PPP1R9A: variants seen among roughly 807,000 people sequenced by gnomAD.
PPP1R9A encodes the protein protein phosphatase 1 regulatory subunit 9A.
In PPP1R9A, 59 loss-of-function variants were observed where a neutral mutation model predicts 141.9. The ratio of observed to expected loss-of-function variants is 0.42; its 90% confidence interval spans 0.34 to 0.52. The LOEUF (loss-of-function observed/expected upper bound fraction) is 0.52. Among genes scored for constraint, PPP1R9A ranks in the 20% least tolerant of loss-of-function variants. The pLI, the probability that PPP1R9A is intolerant of heterozygous loss-of-function variation, is 0.10. For synonymous variants in PPP1R9A, 500 were observed against 569.7 expected (o/e 0.88, Z 1.74); for missense variants, 1,444 against 1,611.9 (o/e 0.90, Z 1.78).
In PPP1R9A at chr7:94,914,056, T is replaced by C. The variant is rs916693221; in HGVS notation, c.1395+2548T>C. On this transcript the variant is annotated intron_variant, in intron 2 of 19. Coordinates refer to ENST00000433360, the MANE Select transcript of PPP1R9A (RefSeq NM_001166160.2). ...TTCTATCTGTGTTTCTTTATTCTTT[T>C]CATAAAACTTTATTTATGGAATGGG... 2.6e-5 allele frequency among the ~76,000 whole-genome samples: 4 copies of C among 152,330 alleles called. No homozygotes were observed. The South Asian group carries it at 8.3e-4, about 32-fold the overall frequency.
chr7:95,016,859 A>T (rs1001467758), intron 2 of PPP1R9A, among the ~76,000 whole-genome samples: 2 of 152,174 alleles, frequency 1.3e-5, no homozygotes, highest in Middle Eastern at 3.2e-3. Context: ...TCAAGAAGTT[A>T]TGTTGAAGTC....
At chr7:95,118,136 A>C (rs190231627) in intron 3 of PPP1R9A, among the ~76,000 whole-genome samples, 189 of 152,338 alleles carry the variant, frequency 1.2e-3, no homozygotes, top group Non-Finnish European at 2.1e-3. Flanking sequence ...AACCCTATGC[A>C]TGTAACCAGT....
intron 4 of PPP1R9A, among the ~76,000 whole-genome samples, chr7:95,122,482 A>T (rs1251493274): frequency 6.6e-6 from 1 of 152,010 alleles, no homozygotes; most frequent in Admixed American, 6.6e-5. Context: ...ATGCATACTG[A>T]TACCCACAGA....
intron 3 of PPP1R9A, among the ~76,000 whole-genome samples, chr7:95,119,012 G>A (rs1250681609): frequency 6.6e-6 from 1 of 150,698 alleles, no homozygotes; most frequent in East Asian, 1.9e-4. Context: ...GAAGAAGAAA[G>A]AAAAACAGAA....
chr7:95,225,996 G>A lies in PPP1R9A; in HGVS notation c.1992G>A (p.Glu664=). The A allele has an allele frequency of 6.2e-7, 1 of 1,613,092 alleles. No individual in the cohort carries two copies. Among genetic ancestry groups the A allele is most frequent in the Non-Finnish European group, 8.5e-7 (1 of 1,179,344 alleles). ...GEYATDEEED[E]VGPVLPGSDM... ...ATGCCACAGATGAAGAAGAAGATGA[G>A]GTAGGACCTGTCCTTCCTGGCAGCG... Residue 664 remains glutamate, a synonymous_variant, in exon 8 of 20, where the codon GAG becomes GAA. Transcript: ENST00000433360.
chr7:95,249,966 G>T, intron 9 of PPP1R9A, 60 bp from the exon 10 acceptor site: 1 of 1,483,002 alleles, frequency 6.7e-7, no homozygotes, highest in South Asian at 1.4e-5. Flanking sequence ...CTATAAAAAT[G>T]AGAGATTTTT....
chr7:95,010,272 C>T (rs544231873), intron 2 of PPP1R9A, among the ~76,000 whole-genome samples: 1 of 152,102 alleles, frequency 6.6e-6, no homozygotes, highest in African/African-American at 2.4e-5. Context: ...GGCATGGTGG[C>T]ACACACCTGT....
chr7:94,917,792 G>T (rs1792282934), intron 2 of PPP1R9A, among the ~76,000 whole-genome samples: 1 of 152,064 alleles, frequency 6.6e-6, no homozygotes, highest in Non-Finnish European at 1.5e-5. Context: ...TCATGTACTT[G>T]AAAGATAAGA....
At chr7:95,097,535 T>C (rs1818204795) in intron 2 of PPP1R9A, among the ~76,000 whole-genome samples, 5 of 152,240 alleles carry the variant, frequency 3.3e-5, no homozygotes, top group Admixed American at 3.3e-4. Context: ...ACTGTTCTTT[T>C]AGTCTCTAAA....
chr7:95,237,865 T>C (rs1796929973), intron 8 of PPP1R9A, among the ~76,000 whole-genome samples: 1 of 152,136 alleles, frequency 6.6e-6, no homozygotes, highest in South Asian at 2.1e-4. Context: ...TATGTATTTT[T>C]TCCAACTTAT....
intron 7 of PPP1R9A, among the ~76,000 whole-genome samples, chr7:95,204,222 C>G (rs1009647577): frequency 6.6e-6 from 1 of 151,758 alleles, no homozygotes; most frequent in Non-Finnish European, 1.5e-5. Context: ...ATCAAAATAT[C>G]TAAAATATCA....
At chr7:94,919,301 ATTTT>A (rs757456894) in intron 2 of PPP1R9A, among the ~76,000 whole-genome samples, 132 of 106,160 alleles carry the variant, frequency 1.2e-3, no homozygotes, top group African/African-American at 4.3e-3. Flanking sequence ...GGATAATTAC[ATTTT>A]TTTTTTTTTT....
chr7:95,223,262 A>G (rs1012286826), intron 7 of PPP1R9A, among the ~76,000 whole-genome samples: 4 of 152,034 alleles, frequency 2.6e-5, no homozygotes, highest in Non-Finnish European at 4.4e-5. Context: ...AAAGTCCACA[A>G]AAGAATCAAG....
At chr7:95,183,422 G>A (rs1348491043) in intron 5 of PPP1R9A, among the ~76,000 whole-genome samples, 2 of 149,186 alleles carry the variant, frequency 1.3e-5, no homozygotes, top group African/African-American at 5.0e-5. Flanking sequence ...TTACAGGCAT[G>A]AGTCACCCTT....
At chr7:95,273,186 C>A (rs1457906970) in intron 14 of PPP1R9A, among the ~76,000 whole-genome samples, 1 of 152,166 alleles carries the variant, frequency 6.6e-6, no homozygotes. Flanking sequence ...AGGCAAAGAT[C>A]AGTCTGCTCT....
intron 2 of PPP1R9A, among the ~76,000 whole-genome samples, chr7:94,978,564 C>T (rs1169391514): frequency 1.3e-5 from 2 of 152,068 alleles, no homozygotes; most frequent in East Asian, 3.9e-4. Flanking sequence ...ACACTTTTTT[C>T]TATCTTGATC....
chr7:95,046,473 C>G (rs1810029358), intron 2 of PPP1R9A, among the ~76,000 whole-genome samples: 1 of 152,142 alleles, frequency 6.6e-6, no homozygotes, highest in African/African-American at 2.4e-5. Flanking sequence ...TTTGGCATTG[C>G]CTAAAACCTT....
chr7:95,217,814 A>T (rs896041695), intron 7 of PPP1R9A, among the ~76,000 whole-genome samples: 1 of 152,102 alleles, frequency 6.6e-6, no homozygotes, highest in African/African-American at 2.4e-5. Flanking sequence ...ATCAGTGGTG[A>T]TATCCCCTTT....
At chr7:95,206,626 T>C (rs1790851497) in intron 7 of PPP1R9A, among the ~76,000 whole-genome samples, 1 of 152,214 alleles carries the variant, frequency 6.6e-6, no homozygotes, top group South Asian at 2.1e-4. Context: ...CTATTCAGTC[T>C]GCTTTTTGAA....
Sources: allele counts gnomAD v4.1 joint callset (sites outside exome capture counted in the v4.1 genomes callset), GRCh38; gene constraint gnomAD v4.1.1; transcripts MANE v1.5; gene names NCBI Gene and HGNC (gene_info 2026-07-23, HGNC 2026-07-21).